Variants in KALRN observed in about 807,000 individuals in gnomAD.
KALRN encodes the protein kalirin RhoGEF kinase.
In KALRN, 70 loss-of-function variants were observed where a neutral mutation model predicts 353.7. The ratio of observed to expected loss-of-function variants is 0.20; its 90% CI spans 0.16 to 0.24. The LOEUF (loss-of-function observed/expected upper bound fraction) is 0.24. Ranked by LOEUF, KALRN falls within the 10% of genes least tolerant of loss-of-function variation. The pLI, the probability that KALRN is intolerant of heterozygous loss-of-function variation, is 1.00. For missense variants in KALRN, 2,791 were observed against 3,756.7 expected (o/e 0.74, Z 6.72); for synonymous variants, 1,391 against 1,434.8 (o/e 0.97, Z 0.69).
At chr3:124,317,169 C>CT (rs1257114606) in intron 6 of KALRN, among the ~76,000 whole-genome samples, 2 of 152,190 alleles carry the variant, frequency 1.3e-5, no homozygotes, top group Non-Finnish European at 2.9e-5. Flanking sequence ...TCCAGAGGCT[C>CT]TTTTTCTCTC....
chr3:124,146,597 G>T (rs182037328), intron 1 of KALRN, among the ~76,000 whole-genome samples: 118 of 152,226 alleles, frequency 7.8e-4, no homozygotes, highest in Admixed American at 1.9e-3. Context: ...GGGAGTAAGG[G>T]CCAGGCTCAG....
rs553635762 is a variant in KALRN at position 124,321,900 on chromosome 3, A to G, written c.1093-4080A>G. ...GGGCTGTGCCATACTTTGGATAATG[A>G]TAATAATTTAATAACAACAGACTGC... On this transcript the variant is annotated intron_variant, in intron 6 of 59. Coordinates refer to ENST00000682506, the MANE Select transcript of KALRN (RefSeq NM_001388419.1). Among the ~76,000 whole-genome samples, 3 of 152,362 alleles carry G rather than the reference A, an allele frequency of 2.0e-5. No homozygotes were observed. In the South Asian group the frequency reaches 6.2e-4, roughly 32 times the overall value.
chr3:124,121,349 TG>T (rs1232677122), intron 1 of KALRN, among the ~76,000 whole-genome samples: 2 of 152,190 alleles, frequency 1.3e-5, no homozygotes, highest in Non-Finnish European at 2.9e-5. Context: ...AAATATTGAA[TG>T]AATAAATTTT....
intron 1 of KALRN, among the ~76,000 whole-genome samples, chr3:124,121,507 GTTAT>G (rs959229649): frequency 6.6e-6 from 1 of 152,136 alleles, no homozygotes; most frequent in African/African-American, 2.4e-5. Flanking sequence ...ACAGTACTGT[GTTAT>G]TTATTTCTCT....
intron 28 of KALRN, 112 bp downstream of exon 28, chr3:124,483,012 C>T (rs2062149339): frequency 1.3e-6 from 1 of 757,574 alleles, no homozygotes; most frequent in Non-Finnish European, 2.4e-6. Context: ...CTTTCTTCTA[C>T]CTAGGGCAGA....
At chr3:124,151,053 G>A (rs947501711) in intron 1 of KALRN, among the ~76,000 whole-genome samples, 6 of 152,114 alleles carry the variant, frequency 3.9e-5, no homozygotes, top group Admixed American at 1.3e-4. Flanking sequence ...TTTCTATATT[G>A]TATAAATATG....
intron 6 of KALRN, among the ~76,000 whole-genome samples, chr3:124,305,621 G>T (rs1379441973): frequency 1.3e-5 from 2 of 152,192 alleles, no homozygotes; most frequent in Non-Finnish European, 2.9e-5. Context: ...CCATTGCAGG[G>T]TGCCTGTGAG....
At chr3:124,318,421 C>T (rs1186451941) in intron 6 of KALRN, among the ~76,000 whole-genome samples, 2 of 152,292 alleles carry the variant, frequency 1.3e-5, no homozygotes, top group South Asian at 2.1e-4. Context: ...ATGGACAGTT[C>T]TTATTCCAGA....
At chr3:124,306,525 TAATG>T (rs1361749445) in intron 6 of KALRN, among the ~76,000 whole-genome samples, 46 of 152,136 alleles carry the variant, frequency 3.0e-4, no homozygotes, top group Non-Finnish European at 1.5e-4. Context: ...CTGCTATGCA[TAATG>T]GCAGTACCAA....
At chr3:124,353,523 G>T (rs1016311749) in intron 10 of KALRN, among the ~76,000 whole-genome samples, 36 of 152,140 alleles carry the variant, frequency 2.4e-4, no homozygotes, top group African/African-American at 8.0e-4. Context: ...CATAATGTTT[G>T]CTCCTTTAGG....
intron 34 of KALRN, among the ~76,000 whole-genome samples, chr3:124,572,741 A>G (rs2073679235): frequency 6.6e-6 from 1 of 152,210 alleles, no homozygotes; most frequent in Admixed American, 6.5e-5. Context: ...CTGTGGCTTT[A>G]CCTCGGTATG....
intron 1 of KALRN, among the ~76,000 whole-genome samples, chr3:124,218,958 T>A (rs796337359): frequency 1.3e-5 from 2 of 152,222 alleles, no homozygotes; most frequent in Non-Finnish European, 2.9e-5. Context: ...ATAGCTAATA[T>A]TGACTTTAGA....
rs78211460 is a variant in KALRN, at chr3:124,687,495, C to G, written c.7378-6309C>G. Among the ~76,000 whole-genome samples the G allele has an allele frequency of 3.5e-3, 534 of 152,010 alleles. 2 individuals carry two copies. The highest frequency in any genetic ancestry group is 0.014 in the Middle Eastern group (4 of 294). ...TTCTGTTAAAAGCCATATTTTCATC[C>G]TTTTTATTTTTGACAGCACACTAAA... is the stretch of plus-strand genomic sequence containing the variant. On this transcript the variant is annotated intron_variant, in intron 51 of 59. Transcript: ENST00000682506.
intron 1 of KALRN, among the ~76,000 whole-genome samples, chr3:124,105,358 G>C (rs1227661523): frequency 1.3e-5 from 2 of 152,146 alleles, no homozygotes; most frequent in Non-Finnish European, 2.9e-5. Flanking sequence ...AAGTAGGTTT[G>C]TGTTTCTAGG....
intron 1 of KALRN, among the ~76,000 whole-genome samples, chr3:124,076,487 C>T (rs2060264987): frequency 6.6e-6 from 1 of 152,148 alleles, no homozygotes; most frequent in Non-Finnish European, 1.5e-5. Flanking sequence ...AGGCCTGACA[C>T]ACGTGTTAAT....
chr3:124,196,713 G>C (rs2075474007), intron 1 of KALRN, among the ~76,000 whole-genome samples: 1 of 152,104 alleles, frequency 6.6e-6, no homozygotes, highest in South Asian at 2.1e-4. Context: ...CATTGTTCAT[G>C]AACATCTTTC....
At chr3:124,138,749 A>G (rs2066254290) in intron 1 of KALRN, among the ~76,000 whole-genome samples, 1 of 152,146 alleles carries the variant, frequency 6.6e-6, no homozygotes, top group African/African-American at 2.4e-5. Flanking sequence ...ATTCCCCTGG[A>G]CCACTGAAGG....
chr3:124,404,168 A>AAAAAAAG (rs1203021726), intron 13 of KALRN, among the ~76,000 whole-genome samples: 9 of 148,912 alleles, frequency 6.0e-5, no homozygotes, highest in Non-Finnish European at 1.1e-4. Flanking sequence ...AAAAAAAAAA[A>AAAAAAAG]AGAGAGAACT....
rs540178368 is a variant in KALRN at position 124,388,582 on chromosome 3, A to C, written c.1962+3546A>C. Among the ~76,000 whole-genome samples the C allele has an allele frequency of 2.0e-5, 3 of 152,328 alleles. No individual in the cohort carries two copies. In the South Asian group the frequency reaches 6.2e-4, roughly 32 times the overall value. On this transcript the variant is annotated intron_variant, in intron 11 of 59. Coordinates refer to ENST00000682506, the MANE Select transcript of KALRN (RefSeq NM_001388419.1). ...AATGGGAAGCTAGTCTCTCCTAAGA[A>C]AAGTAAAAGAAAAAGAAGAAGAAAA...
Sources: gnomAD v4.1 joint callset for allele counts (sites outside exome capture counted in the v4.1 genomes callset) on GRCh38, gnomAD v4.1.1 for gene constraint, MANE v1.5 for transcripts, NCBI Gene and HGNC (gene_info 2026-07-23, HGNC 2026-07-21) for gene names.